Variants in ATP9A observed in about 807,000 individuals in gnomAD.
The protein encoded by ATP9A is probable phospholipid-transporting ATPase IIA.
Under a neutral mutation model 144.1 loss-of-function variants are expected in ATP9A, and 52 were observed. The ratio of observed to expected loss-of-function variants is 0.36; its 90% confidence interval spans 0.29 to 0.45. The LOEUF is 0.45. Ranked by LOEUF, ATP9A falls within the 20% of genes least tolerant of loss-of-function variation. The pLI is 1.00. For missense variants in ATP9A, 947 were observed against 1,392.7 expected (o/e 0.68, Z 5.09); for synonymous variants, 582 against 557.4 (o/e 1.04, Z -0.62).
chr20:51,620,099 G>A (rs2077220474), intron 19 of ATP9A, among the ~76,000 whole-genome samples: 1 of 152,286 alleles, frequency 6.6e-6, no homozygotes, highest in Admixed American at 6.5e-5. Context: ...ACCTAGCAGG[G>A]ACTGGGCCAC....
At chr20:51,610,026 C>T (rs1397750279) in intron 24 of ATP9A, 75 bp downstream of exon 24, 3 of 1,373,106 alleles carry the variant, frequency 2.2e-6, no homozygotes, top group African/African-American at 2.9e-5. Context: ...AATTTTTCCA[C>T]CACGTTTCTT....
At chr20:51,718,443 T>C (rs2122857671) in intron 3 of ATP9A, among the ~76,000 whole-genome samples, 1 of 151,776 alleles carries the variant, frequency 6.6e-6, no homozygotes, top group South Asian at 2.1e-4. Flanking sequence ...ATCTTTTCTA[T>C]TTGAAAAAAG....
Position 51,625,086 on chromosome 20 carries a change from G to C in ATP9A, c.2016+106C>G, listed in dbSNP as rs145613635. The C allele has an allele frequency of 9.1e-4, 980 of 1,075,120 alleles. 7 individuals are homozygous for C. The African/African-American group carries it at 0.012, about 13-fold the overall frequency. The allele number at this position is 1,075,120 out of a possible 1,614,324, so 66.6% of individuals were successfully genotyped here. ...CCATTGCAGATAAGGCACTCCTGGT[G>C]TCCTCTGCTGCTCCTCCCACCCTTT... is the stretch of plus-strand genomic sequence containing the variant. On this transcript the variant is annotated intron_variant, in intron 18 of 27. Transcript: ENST00000338821.
chr20:51,725,978 G>A, intron 2 of ATP9A, 46 bp from the exon 3 acceptor site: 1 of 1,121,368 alleles, frequency 8.9e-7, no homozygotes, highest in Non-Finnish European at 1.4e-6. Context: ...GGGCTTGTCT[G>A]ATGAGATCTG....
intron 14 of ATP9A, among the ~76,000 whole-genome samples, chr20:51,649,770 C>T (rs563505313): frequency 4.9e-4 from 74 of 152,050 alleles, no homozygotes; most frequent in African/African-American, 1.5e-3. Context: ...CAAAATTAGC[C>T]GGGCGTGGTG....
Position 51,674,273 on chromosome 20 carries a change from A to C in ATP9A, c.917T>G (p.Ile306Ser). The stretch of plus-strand genomic sequence containing the variant: ...GACCACCACCAGGGCACCAAAGAGG[A>C]TCTTGGTGAGGCAGTTCACTTCCAA... ...FDLEVNCLTK[I>S]LFGALVVVSL... Residue 306 changes from isoleucine to serine, a missense_variant, in exon 11 of 28, where the codon ATC becomes AGC. By Grantham distance (142) the Ile-to-Ser change is moderately radical. Transcript: ENST00000338821. 1 of 1,613,676 alleles carries C rather than the reference A, an allele frequency of 6.2e-7. No individual in the cohort carries two copies. Among genetic ancestry groups the C allele is most frequent in the Non-Finnish European group, 8.5e-7 (1 of 1,179,952 alleles).
intron 16 of ATP9A, among the ~76,000 whole-genome samples, chr20:51,628,353 C>A (rs2077257944): frequency 1.3e-5 from 2 of 152,206 alleles, no homozygotes; most frequent in Non-Finnish European, 2.9e-5. Context: ...TGTGGCCCCT[C>A]CTGGAACTCA....
chr20:51,633,823 GAA>G (rs984985184), intron 15 of ATP9A, among the ~76,000 whole-genome samples: 1 of 148,562 alleles, frequency 6.7e-6, no homozygotes, highest in African/African-American at 2.5e-5. Context: ...CAGAAGAAGG[GAA>G]AGAGGGAGAG....
intron 10 of ATP9A, among the ~76,000 whole-genome samples, chr20:51,675,437 G>A (rs1241795472): frequency 6.6e-6 from 1 of 152,190 alleles, no homozygotes; most frequent in Non-Finnish European, 1.5e-5. Flanking sequence ...TCACTGTGTA[G>A]CCTGGACAGG....
At chr20:51,683,046 C>T (rs2077507198) in intron 9 of ATP9A, among the ~76,000 whole-genome samples, 1 of 150,236 alleles carries the variant, frequency 6.7e-6, no homozygotes, top group Admixed American at 6.6e-5. Context: ...GAGCAGAGAT[C>T]GCACCATTGC....
At chr20:51,668,258 G>A (rs1355347742) in intron 13 of ATP9A, among the ~76,000 whole-genome samples, 1 of 151,630 alleles carries the variant, frequency 6.6e-6, no homozygotes, top group Non-Finnish European at 1.5e-5. Context: ...GCTGTCAGCT[G>A]GGGTGACGAG....
intron 1 of ATP9A, among the ~76,000 whole-genome samples, chr20:51,740,144 C>T (rs1328271170): frequency 6.6e-6 from 1 of 152,056 alleles, no homozygotes; most frequent in Non-Finnish European, 1.5e-5. Flanking sequence ...GGAGCCTCAA[C>T]CTCCTGGACT....
intron 3 of ATP9A, among the ~76,000 whole-genome samples, chr20:51,716,972 C>G (rs2209315): frequency 0.98 from 148,585 of 152,154 alleles, 72,570 homozygotes; most frequent in East Asian, 1. Flanking sequence ...TCAGGAGTTC[C>G]AGATCAGCCT....
intron 13 of ATP9A, among the ~76,000 whole-genome samples, chr20:51,657,875 G>T (rs890087938): frequency 6.6e-6 from 1 of 152,194 alleles, no homozygotes; most frequent in Non-Finnish European, 1.5e-5. Flanking sequence ...CGGGTGTAAT[G>T]GTAACTGTGC....
intron 2 of ATP9A, among the ~76,000 whole-genome samples, chr20:51,729,565 T>A (rs961417808): frequency 3.9e-5 from 6 of 152,006 alleles, no homozygotes; most frequent in African/African-American, 1.4e-4. Flanking sequence ...GCCAACATGG[T>A]GAAACCCCAT....
chr20:51,621,772 T>C (rs1412401637), intron 19 of ATP9A, among the ~76,000 whole-genome samples: 1 of 152,122 alleles, frequency 6.6e-6, no homozygotes, highest in Non-Finnish European at 1.5e-5. Flanking sequence ...TGGATCTGCA[T>C]CTTTCGGGGG....
chr20:51,717,057 A>G (rs1445060175), intron 3 of ATP9A, among the ~76,000 whole-genome samples: 1 of 151,596 alleles, frequency 6.6e-6, no homozygotes, highest in East Asian at 1.9e-4. Context: ...CTGTAATCCC[A>G]GCTCCTCGGG....
intron 13 of ATP9A, among the ~76,000 whole-genome samples, chr20:51,664,673 T>C (rs2077425102): frequency 6.6e-6 from 1 of 151,978 alleles, no homozygotes. Context: ...CAAAATAACA[T>C]ATACTTGGGG....
At chr20:51,678,230 A>C (rs1318843015) in intron 9 of ATP9A, among the ~76,000 whole-genome samples, 2 of 152,108 alleles carry the variant, frequency 1.3e-5, no homozygotes, top group African/African-American at 4.8e-5. Flanking sequence ...AGCCCTGCCA[A>C]GCTCTCAGGG....
Sources: allele counts gnomAD v4.1 joint callset (sites outside exome capture counted in the v4.1 genomes callset), GRCh38; gene constraint gnomAD v4.1.1; transcripts MANE v1.5; gene names NCBI Gene and HGNC (gene_info 2026-07-23, HGNC 2026-07-21).